Variants in PPP1R12B observed in about 807,000 individuals in gnomAD.
The protein encoded by PPP1R12B is protein phosphatase 1 regulatory subunit 12B, also known as myosin phosphatase target subunit 2.
PPP1R12B carries 76 observed loss-of-function variants against 126.1 expected under a neutral mutation model. The observed-to-expected ratio is 0.60, with a 90% confidence interval of 0.50 to 0.73. The LOEUF is 0.73. PPP1R12B is among the 30% of genes least tolerant of loss of function. The probability of loss-of-function intolerance (pLI) is 0.00; values close to 1 mark genes in which losing one functional copy is unlikely to be tolerated. For synonymous variants in PPP1R12B, 356 were observed against 434.7 expected (o/e 0.82, Z 2.25); for missense variants, 1,052 against 1,205.1 (o/e 0.87, Z 1.88).
chr1:202,500,722 G>T (rs1680135744), intron 18 of PPP1R12B, among the ~76,000 whole-genome samples: 2 of 152,118 alleles, frequency 1.3e-5, no homozygotes, highest in African/African-American at 2.4e-5. Context: ...TAGAAAAGAG[G>T]ATTTTGAATG....
chr1:202,495,816 A>G (rs1558300881), intron 17 of PPP1R12B, 134 bp downstream of exon 17: 1 of 764,568 alleles, frequency 1.3e-6, no homozygotes, highest in Non-Finnish European at 2.1e-6. Context: ...TGAGGAAAAG[A>G]GAAGAAAGAC....
chr1:202,434,917 G>A lies in PPP1R12B; in HGVS notation c.1254+149G>A, dbSNP rs111295988. 1.8e-4 allele frequency: 240 copies of A among 1,371,288 alleles called. No homozygotes were observed. In the African/African-American group the frequency reaches 2.4e-3, roughly 14 times the overall value. 84.9% of individuals were successfully genotyped at this position (1,371,288 alleles called of 1,614,324 possible). ...CTCCCATAACAAAAAACACAGGCTGGGTGGCTTAAACAACAGACATTTATT... is the reference window on the plus strand; with the variant it reads ...CTCCCATAACAAAAAACACAGGCTGAGTGGCTTAAACAACAGACATTTATT... On this transcript the variant is annotated intron_variant, in intron 9 of 23. Coordinates refer to ENST00000608999, the MANE Select transcript of PPP1R12B (RefSeq NM_002481.4).
At chr1:202,416,230 G>A (rs969244026) in intron 1 of PPP1R12B, among the ~76,000 whole-genome samples, 6 of 152,080 alleles carry the variant, frequency 3.9e-5, no homozygotes, top group African/African-American at 1.4e-4. Flanking sequence ...CTATAAATAA[G>A]ATTTAAGTGT....
intron 13 of PPP1R12B, among the ~76,000 whole-genome samples, chr1:202,480,365 A>G (rs1336426434): frequency 6.6e-6 from 1 of 152,218 alleles, no homozygotes; most frequent in African/African-American, 2.4e-5. Flanking sequence ...AAAAAGCATG[A>G]TAAATCAGTA....
chr1:202,588,824 A>AAGAAAGATAGAT lies in PPP1R12B; in HGVS notation c.*8267_*8268insAAGATAGATAGA, dbSNP rs1689974929. On this transcript the variant is annotated 3_prime_UTR_variant, in exon 24 of 24. Transcript: ENST00000608999. ...CTAGATTGGCGTTCAAAAGAACCGT[A>AAGAAAGATAGAT]AGATAGATAGATAGATAGATAGATA... 1.4e-5 allele frequency: 2 copies of AAGAAAGATAGAT among 144,124 alleles called. No individual in the cohort carries two copies. Among genetic ancestry groups the AAGAAAGATAGAT allele is most frequent in the African/African-American group, 2.7e-5 (1 of 37,684 alleles). 8.9% of individuals were successfully genotyped at this position (144,124 alleles called of 1,614,324 possible).
At chr1:202,468,467 G>T (rs1397791659) in intron 13 of PPP1R12B, among the ~76,000 whole-genome samples, 2 of 152,170 alleles carry the variant, frequency 1.3e-5, no homozygotes, top group Non-Finnish European at 2.9e-5. Flanking sequence ...TTTCTAGGAA[G>T]TCTCTTATTC....
chr1:202,427,421 A>G (rs1342402921), intron 5 of PPP1R12B, among the ~76,000 whole-genome samples: 2 of 152,160 alleles, frequency 1.3e-5, no homozygotes, highest in Non-Finnish European at 2.9e-5. Context: ...CCTCTAAAAC[A>G]GGAAAAAAAT....
intron 1 of PPP1R12B, among the ~76,000 whole-genome samples, chr1:202,411,333 AACTC>A (rs1667361331): frequency 6.6e-6 from 1 of 151,710 alleles, no homozygotes; most frequent in Non-Finnish European, 1.5e-5. Context: ...AGTGTCCTAC[AACTC>A]TGTTGATTGG....
At chr1:202,454,035 C>T (rs1673323435) in intron 13 of PPP1R12B, among the ~76,000 whole-genome samples, 1 of 152,134 alleles carries the variant, frequency 6.6e-6, no homozygotes, top group Non-Finnish European at 1.5e-5. Flanking sequence ...CAAAAACTCT[C>T]TTTAAAAAAT....
At chr1:202,377,669 A>T (rs1027700460) in intron 1 of PPP1R12B, among the ~76,000 whole-genome samples, 14 of 151,970 alleles carry the variant, frequency 9.2e-5, no homozygotes, top group African/African-American at 3.4e-4. Context: ...TGGAGGAAGG[A>T]GGGATGAGTT....
At position 202,431,639 on chromosome 1, in the gene PPP1R12B, A is replaced by C; in HGVS notation, c.1141+20A>C. 1 of 1,595,950 alleles carries C rather than the reference A, an allele frequency of 6.3e-7. No individual in the cohort carries two copies. The highest frequency in any genetic ancestry group is 8.5e-7 in the Non-Finnish European group (1 of 1,173,044). On this transcript the variant is annotated intron_variant, in intron 8 of 23. Transcript: ENST00000608999. Reference sequence around the variant, plus strand: ...AGGCAGGTAATGCAAAGATGTTCATAGTGAAGATCCTCTATCTCCATAGTG... The same window carrying C: ...AGGCAGGTAATGCAAAGATGTTCATCGTGAAGATCCTCTATCTCCATAGTG...
chr1:202,578,221 A>G (rs962285027), intron 23 of PPP1R12B, among the ~76,000 whole-genome samples: 1 of 152,142 alleles, frequency 6.6e-6, no homozygotes, highest in African/African-American at 2.4e-5. Context: ...CTAAAACTCT[A>G]CAAGACTCTA....
intron 18 of PPP1R12B, among the ~76,000 whole-genome samples, chr1:202,516,266 G>T (rs895482637): frequency 6.6e-6 from 1 of 152,176 alleles, no homozygotes; most frequent in Non-Finnish European, 1.5e-5. Flanking sequence ...CTTGTTATAG[G>T]GGTAGGGTTA....
At chr1:202,535,640 T>C (rs549153895) in intron 18 of PPP1R12B, among the ~76,000 whole-genome samples, 2 of 152,308 alleles carry the variant, frequency 1.3e-5, no homozygotes, top group Non-Finnish European at 2.9e-5. Flanking sequence ...ACTTTTTTCT[T>C]CCCTCTTTTT....
chr1:202,415,603 C>T (rs1272479029), intron 1 of PPP1R12B, among the ~76,000 whole-genome samples: 1 of 152,088 alleles, frequency 6.6e-6, no homozygotes, highest in Non-Finnish European at 1.5e-5. Context: ...TATTCTGTAG[C>T]TATGTCAAGA....
chr1:202,402,274 C>T (rs1267705363), intron 1 of PPP1R12B, among the ~76,000 whole-genome samples: 6 of 152,194 alleles, frequency 3.9e-5, no homozygotes, highest in Admixed American at 6.5e-5. Flanking sequence ...CAACAAATCA[C>T]GGAAGCTTTT....
intron 18 of PPP1R12B, among the ~76,000 whole-genome samples, chr1:202,548,813 T>TCC (rs1685989519): frequency 1.8e-5 from 1 of 56,736 alleles, no homozygotes; most frequent in African/African-American, 5.3e-5. Flanking sequence ...TCTCTCTATA[T>TCC]ATATATATAT....
At chr1:202,384,251 A>T (rs1558158771) in intron 1 of PPP1R12B, among the ~76,000 whole-genome samples, 1 of 152,242 alleles carries the variant, frequency 6.6e-6, no homozygotes, top group Admixed American at 6.5e-5. Flanking sequence ...CTTGTACATC[A>T]TTGTTCACGG....
chr1:202,380,673 G>C (rs1365518542), intron 1 of PPP1R12B, among the ~76,000 whole-genome samples: 1 of 152,018 alleles, frequency 6.6e-6, no homozygotes, highest in Non-Finnish European at 1.5e-5. Flanking sequence ...TGCCTGCTTT[G>C]GTTACAGATT....
Sources: gnomAD v4.1 joint callset for allele counts (sites outside exome capture counted in the v4.1 genomes callset) on GRCh38, gnomAD v4.1.1 for gene constraint, MANE v1.5 for transcripts, NCBI Gene and HGNC (gene_info 2026-07-23, HGNC 2026-07-21) for gene names.